Variants in CNTLN observed in about 807,000 individuals in gnomAD.
CNTLN encodes centlein, centrosomal protein.
CNTLN carries 212 observed loss-of-function variants against 180.0 expected under a neutral mutation model. That is an observed-to-expected ratio of 1.18 (90% confidence interval 1.05 to 1.32). The LOEUF is 1.32. CNTLN is among the 40% of genes most tolerant of loss of function. CNTLN has a pLI of 0.00. For missense variants in CNTLN, 2,095 were observed against 1,610.9 expected (o/e 1.30, Z -5.14); for synonymous variants, 722 against 563.1 (o/e 1.28, Z -3.99).
At chr9:17,372,225 A>T (rs1156864649) in intron 13 of CNTLN, among the ~76,000 whole-genome samples, 2 of 152,194 alleles carry the variant, frequency 1.3e-5, no homozygotes. Flanking sequence ...AACCAGACTA[A>T]GAAAAAGAGA....
intron 6 of CNTLN, among the ~76,000 whole-genome samples, chr9:17,274,442 T>C (rs373036205): frequency 4.5e-4 from 68 of 151,468 alleles, no homozygotes; most frequent in African/African-American, 1.5e-3. Context: ...TTTTCCTTGG[T>C]TCATAGATCA....
chr9:17,513,037 T>A, the CNTLN span, among the ~76,000 whole-genome samples: 7 of 152,200 alleles, frequency 4.6e-5, no homozygotes, highest in South Asian at 6.2e-4. Context: ...GCCAGAATGG[T>A]CTCAAACTCC....
chr9:17,168,460 G>A (rs1284862826), intron 2 of CNTLN: 1 of 152,102 alleles, frequency 6.6e-6, no homozygotes, highest in African/African-American at 2.4e-5. Context: ...CTTTTTTGGT[G>A]GTGGTGGTTG....
intron 5 of CNTLN, among the ~76,000 whole-genome samples, chr9:17,246,556 C>G (rs1441657256): frequency 6.6e-6 from 1 of 152,120 alleles, no homozygotes; most frequent in Non-Finnish European, 1.5e-5. Context: ...TGGTTTTTGC[C>G]TGTGTTTACT....
At chr9:17,308,340 C>T (rs549300620) in intron 7 of CNTLN, among the ~76,000 whole-genome samples, 2 of 152,178 alleles carry the variant, frequency 1.3e-5, no homozygotes, top group Admixed American at 1.3e-4. Flanking sequence ...TTTTCAGTAA[C>T]TCCCTGTTGT....
At chr9:17,454,097 A>C (rs1476561975) in intron 18 of CNTLN, among the ~76,000 whole-genome samples, 3 of 152,182 alleles carry the variant, frequency 2.0e-5, no homozygotes, top group African/African-American at 7.2e-5. Flanking sequence ...GTCATCTGAG[A>C]ATTGTGTCTA....
At chr9:17,272,628 G>A (rs937952087) in intron 5 of CNTLN, among the ~76,000 whole-genome samples, 24 of 152,106 alleles carry the variant, frequency 1.6e-4, no homozygotes, top group African/African-American at 5.3e-4. Flanking sequence ...GAGATGAGCA[G>A]CTTTACCCAG....
chr9:17,214,848 C>G (rs1264434373), intron 2 of CNTLN, among the ~76,000 whole-genome samples: 4 of 152,210 alleles, frequency 2.6e-5, no homozygotes, highest in East Asian at 1.9e-4. Context: ...ATCAAATTGG[C>G]TACTGAAACT....
At chr9:17,312,358 TATATATTA>T (rs1819206307) in intron 8 of CNTLN, among the ~76,000 whole-genome samples, 1 of 15,310 alleles carries the variant, frequency 6.5e-5, no homozygotes, top group Non-Finnish European at 2.1e-4. Context: ...TATATATATA[TATATATTA>T]TATATATATA....
intron 18 of CNTLN, among the ~76,000 whole-genome samples, chr9:17,453,376 A>G (rs951372080): frequency 1.3e-5 from 2 of 152,218 alleles, no homozygotes; most frequent in African/African-American, 4.8e-5. Context: ...ATTATGGATA[A>G]AGAAAACAAA....
chr9:17,135,339 A>T lies in CNTLN; in HGVS notation c.274A>T (p.Ile92Phe). The T allele has an allele frequency of 6.2e-7, 1 of 1,602,098 alleles. No homozygotes were observed. Among genetic ancestry groups the T allele is most frequent in the Non-Finnish European group, 8.5e-7 (1 of 1,175,184 alleles). Reference sequence around the variant, plus strand: ...CATGGGGTCCAGACGGCTAGAGGGCATCTCGGTAGAGGAGGCGATGGTGAC... The same window carrying T: ...CATGGGGTCCAGACGGCTAGAGGGCTTCTCGGTAGAGGAGGCGATGGTGAC... ...APMGSRRLEG[I>F]SVEEAMVTRT... Residue 92 changes from isoleucine to phenylalanine, a missense_variant, in exon 1 of 26, where the codon ATC (isoleucine) becomes TTC (phenylalanine). By Grantham distance (21) the Ile-to-Phe change is conservative. Coordinates refer to ENST00000380647, the MANE Select transcript of CNTLN (RefSeq NM_017738.4).
chr9:17,167,438 A>C (rs1418873991), intron 2 of CNTLN: 1 of 152,354 alleles, frequency 6.6e-6, no homozygotes, highest in Non-Finnish European at 1.5e-5. Flanking sequence ...CAAGGACCAA[A>C]AGGTCAGCAT....
At chr9:17,469,093 C>T (rs1017657179) in intron 23 of CNTLN, among the ~76,000 whole-genome samples, 1 of 151,652 alleles carries the variant, frequency 6.6e-6, no homozygotes, top group East Asian at 1.9e-4. Flanking sequence ...AAATATAATA[C>T]ACAATATTGG....
intron 2 of CNTLN, among the ~76,000 whole-genome samples, chr9:17,219,649 G>C (rs1824000610): frequency 6.6e-6 from 1 of 151,832 alleles, no homozygotes; most frequent in Non-Finnish European, 1.5e-5. Context: ...TTAATCTACT[G>C]GGAAGTGTGT....
chr9:17,504,471 T>C (rs1011042302), downstream of CNTLN, among the ~76,000 whole-genome samples: 1 of 152,158 alleles, frequency 6.6e-6, no homozygotes, highest in Non-Finnish European at 1.5e-5. Flanking sequence ...TATGGTAGAC[T>C]GAGAAATGGC....
intron 15 of CNTLN, 50 bp from the exon 16 acceptor site, chr9:17,409,243 T>C (rs777821634): frequency 3.7e-5 from 57 of 1,540,960 alleles, no homozygotes; most frequent in Non-Finnish European, 4.1e-5. Context: ...GACAAGTACA[T>C]GTAACAACTT....
intron 8 of CNTLN, among the ~76,000 whole-genome samples, chr9:17,318,705 G>A (rs1471502539): frequency 6.6e-6 from 1 of 152,110 alleles, no homozygotes; most frequent in African/African-American, 2.4e-5. Context: ...TGGAAGCCCA[G>A]AATTAGGGAA....
chr9:17,178,758 C>T (rs986380298), intron 2 of CNTLN, among the ~76,000 whole-genome samples: 3 of 152,064 alleles, frequency 2.0e-5, no homozygotes, highest in African/African-American at 4.8e-5. Flanking sequence ...TTCCTGCCAG[C>T]GTCTCTCCCT....
chr9:17,335,434 T>C (rs1232702271), intron 10 of CNTLN, among the ~76,000 whole-genome samples: 1 of 152,122 alleles, frequency 6.6e-6, no homozygotes, highest in Non-Finnish European at 1.5e-5. Flanking sequence ...GGAGAATTGC[T>C]TGAACCTAGA....
Sources: gnomAD v4.1 joint callset for allele counts (sites outside exome capture counted in the v4.1 genomes callset) on GRCh38, gnomAD v4.1.1 for gene constraint, MANE v1.5 for transcripts, NCBI Gene and HGNC (gene_info 2026-07-23, HGNC 2026-07-21) for gene names.